The following GUCY2C variants were observed in gnomAD, a reference collection of about 807,000 sequenced individuals.
GUCY2C encodes the protein guanylate cyclase 2C.
A neutral mutation model predicts 131.1 loss-of-function variants in GUCY2C; 118 were observed. That is an observed-to-expected ratio of 0.90 (90% confidence interval 0.78 to 1.05). The LOEUF (loss-of-function observed/expected upper bound fraction) is 1.05, where lower values mean the gene tolerates loss of function less well. GUCY2C is among the 50% of genes least tolerant of loss of function. The pLI, the probability that GUCY2C is intolerant of heterozygous loss-of-function variation, is 0.00. For missense variants in GUCY2C, 1,161 were observed against 1,304.4 expected (o/e 0.89, Z 1.69); for synonymous variants, 452 against 457.8 (o/e 0.99, Z 0.16).
intron 21 of GUCY2C, among the ~76,000 whole-genome samples, chr12:14,625,453 G>A (rs1241977633): frequency 1.3e-5 from 2 of 151,128 alleles, no homozygotes; most frequent in African/African-American, 2.4e-5. Context: ...TCAGCCTCCC[G>A]AGTAGCTGGG....
chr12:14,680,857 G>A (rs1432593724), intron 5 of GUCY2C, among the ~76,000 whole-genome samples: 1 of 152,080 alleles, frequency 6.6e-6, no homozygotes, highest in African/African-American at 2.4e-5. Context: ...GTCTCTAGCT[G>A]GTAGATCACT....
At chr12:14,638,061 G>A (rs1164607635) in intron 19 of GUCY2C, among the ~76,000 whole-genome samples, 1 of 152,138 alleles carries the variant, frequency 6.6e-6, no homozygotes, top group Non-Finnish European at 1.5e-5. Flanking sequence ...CAAAACTCAT[G>A]AATAAACATT....
chr12:14,676,003 G>A (rs1003077652), intron 7 of GUCY2C, among the ~76,000 whole-genome samples: 2 of 152,206 alleles, frequency 1.3e-5, no homozygotes, highest in African/African-American at 4.8e-5. Flanking sequence ...AGAACTTCTA[G>A]CTGGGAAAAA....
intron 8 of GUCY2C, among the ~76,000 whole-genome samples, chr12:14,673,314 C>G (rs1251534882): frequency 6.6e-6 from 1 of 152,116 alleles, no homozygotes; most frequent in Non-Finnish European, 1.5e-5. Context: ...ACTGCACAAT[C>G]TTAACATAGA....
chr12:14,660,774 G>T (rs997332696), intron 11 of GUCY2C, among the ~76,000 whole-genome samples: 1 of 152,146 alleles, frequency 6.6e-6, no homozygotes, highest in Admixed American at 6.5e-5. Flanking sequence ...TTGAGTTCAG[G>T]CATCTTTGGC....
chr12:14,662,852 A>T (rs900798016), intron 10 of GUCY2C, among the ~76,000 whole-genome samples: 14 of 152,154 alleles, frequency 9.2e-5, no homozygotes, highest in African/African-American at 2.7e-4. Flanking sequence ...TGGCAAAGAA[A>T]AATATAGGAG....
At chr12:14,655,565 TTA>T (rs1031828027) in intron 12 of GUCY2C, among the ~76,000 whole-genome samples, 1 of 152,192 alleles carries the variant, frequency 6.6e-6, no homozygotes, top group Admixed American at 6.5e-5. Flanking sequence ...AAATGCAATT[TTA>T]TTCCTGCTGA....
chr12:14,633,464 A>G (rs1464246681), intron 19 of GUCY2C, among the ~76,000 whole-genome samples: 3 of 152,200 alleles, frequency 2.0e-5, no homozygotes, highest in African/African-American at 7.2e-5. Context: ...TAATTGTTAC[A>G]CCAGATGCAC....
intron 19 of GUCY2C, among the ~76,000 whole-genome samples, chr12:14,638,975 A>G (rs1483843877): frequency 6.6e-6 from 1 of 152,116 alleles, no homozygotes; most frequent in Non-Finnish European, 1.5e-5. Flanking sequence ...TACCCCACAA[A>G]TATGTACAAA....
chr12:14,618,379 G>A (rs1262115344), intron 24 of GUCY2C, among the ~76,000 whole-genome samples: 1 of 152,098 alleles, frequency 6.6e-6, no homozygotes, highest in Non-Finnish European at 1.5e-5. Context: ...GCTGTGCATG[G>A]TGGCATGCCT....
At position 14,686,077 on chromosome 12, in the gene GUCY2C, G is replaced by C. The variant is rs113863935; in HGVS notation, c.395+84C>G. The C allele has an allele frequency of 0.01, 8,650 of 831,352 alleles. 514 individuals are homozygous for C. In the African/African-American group the frequency reaches 0.13, roughly 12 times the overall value. 51.5% of individuals were successfully genotyped at this position (831,352 alleles called of 1,614,324 possible). ...ACTAGACCTCAACACCTCTGATTGT[G>C]TTGGCTTGACTAGACTGTTGTTTGA... On this transcript the variant is annotated intron_variant, in intron 3 of 26. Transcript: ENST00000261170.
In GUCY2C at chr12:14,645,334, G is replaced by A; in HGVS notation, c.1711-19C>T. 7.7e-7 allele frequency: 1 copy of A among 1,304,424 alleles called. No homozygotes were observed. Among genetic ancestry groups the A allele is most frequent in the Non-Finnish European group, 1.1e-6 (1 of 904,406 alleles). The allele number at this position is 1,304,424 out of a possible 1,614,324, so 80.8% of individuals were successfully genotyped here. On this transcript the variant is annotated intron_variant, in intron 15 of 26. Transcript: ENST00000261170. Reference sequence around the variant, plus strand: ...AAACTTCCTGAATAGGAAAAAAGAAGAAGAAGAAAAGTTGTTGCAAGAAAG... The same window carrying A: ...AAACTTCCTGAATAGGAAAAAAGAAAAAGAAGAAAAGTTGTTGCAAGAAAG...
At chr12:14,669,939 T>G (rs1948072295) in intron 9 of GUCY2C, 106 bp from the exon 10 acceptor site, 1 of 542,462 alleles carries the variant, frequency 1.8e-6, no homozygotes, top group Non-Finnish European at 3.2e-6. Context: ...TCCATAACAA[T>G]TCTCAGTGAA....
intron 1 of GUCY2C, among the ~76,000 whole-genome samples, chr12:14,693,973 C>G (rs1948617647): frequency 6.6e-6 from 1 of 152,216 alleles, no homozygotes; most frequent in Non-Finnish European, 1.5e-5. Context: ...ATAAGAACAA[C>G]TACATTAATG....
chr12:14,682,036 CT>C (rs376536706), intron 4 of GUCY2C, among the ~76,000 whole-genome samples: 13 of 152,250 alleles, frequency 8.5e-5, no homozygotes, highest in Middle Eastern at 3.4e-3. Context: ...CCATCTTAGT[CT>C]TTTGCTTACT....
chr12:14,652,469 C>G (rs1947683367), intron 13 of GUCY2C, among the ~76,000 whole-genome samples: 1 of 152,146 alleles, frequency 6.6e-6, no homozygotes, highest in South Asian at 2.1e-4. Context: ...GCCATTGTGC[C>G]CAGCCTTGAC....
In GUCY2C at chr12:14,613,255, G is replaced by A. The variant is rs775880332; in HGVS notation, c.3084C>T (p.Asp1028=). ...NQQRLQAEFS[D]MIANSLQKRQ... Reference sequence around the variant, plus strand: ...TTTTCTGTAAAGAGTTGGCAATCATGTCTGAAAATTCTGCTTGCAAACGCT... The same window carrying A: ...TTTTCTGTAAAGAGTTGGCAATCATATCTGAAAATTCTGCTTGCAAACGCT... Residue 1028 remains aspartate, a synonymous_variant, in exon 27 of 27, where the codon GAC becomes GAT. Transcript: ENST00000261170. The surrounding 1 kb of genome is among the most constrained non-coding windows in gnomAD (Gnocchi z 4.9). The A allele has an allele frequency of 6.2e-7, 1 of 1,613,350 alleles. No homozygotes were observed. The highest frequency in any genetic ancestry group is 8.5e-7 in the Non-Finnish European group (1 of 1,179,450).
At chr12:14,681,041 T>TA (rs1414925278) in intron 5 of GUCY2C, among the ~76,000 whole-genome samples, 2 of 152,072 alleles carry the variant, frequency 1.3e-5, no homozygotes, top group Non-Finnish European at 2.9e-5. Flanking sequence ...GAGGTGAATT[T>TA]AAAAAAACAG....
intron 25 of GUCY2C, among the ~76,000 whole-genome samples, chr12:14,615,263 GA>G (rs1946735642): frequency 1.3e-5 from 2 of 152,160 alleles, no homozygotes; most frequent in Middle Eastern, 6.8e-3. Flanking sequence ...TAAAAAGGAA[GA>G]AAATTCATCT....
Sources: gnomAD v4.1 joint callset for allele counts (sites outside exome capture counted in the v4.1 genomes callset) on GRCh38, gnomAD v4.1.1 for gene constraint, Gnocchi (gnomAD v3.1) non-coding constraint, MANE v1.5 for transcripts, NCBI Gene and HGNC (gene_info 2026-07-23, HGNC 2026-07-21) for gene names.